CACNA1H: variants seen among roughly 807,000 people sequenced by gnomAD.
CACNA1H encodes calcium voltage-gated channel subunit alpha1 H, also known as voltage-dependent T-type calcium channel subunit alpha-1H.
Under a neutral mutation model 192.5 loss-of-function variants are expected in CACNA1H, and 149 were observed. The ratio of observed to expected loss-of-function variants is 0.77; its 90% CI spans 0.68 to 0.89. The LOEUF (loss-of-function observed/expected upper bound fraction) is 0.89. Ranked by LOEUF, CACNA1H falls within the 40% of genes least tolerant of loss-of-function variation. CACNA1H has a pLI of 0.00. For synonymous variants in CACNA1H, 2,202 were observed against 1,475.2 expected (o/e 1.49, Z -11.29); for missense variants, 4,257 against 3,423.5 (o/e 1.24, Z -6.08).
At chr16:1,160,954 C>T (rs1204879989) in intron 2 of CACNA1H, among the ~76,000 whole-genome samples, 7 of 152,128 alleles carry the variant, frequency 4.6e-5, no homozygotes, top group Non-Finnish European at 1.0e-4. Flanking sequence ...CGGTGCAGCC[C>T]TGGGCTCTTT....
At chr16:1,215,419 G>T (rs1425038432) in intron 29 of CACNA1H, 44 bp downstream of exon 29, 1 of 1,591,540 alleles carries the variant, frequency 6.3e-7, no homozygotes, top group Non-Finnish European at 8.6e-7. Context: ...CGGGTGGAGG[G>T]TGGGGGCTCA....
intron 2 of CACNA1H, among the ~76,000 whole-genome samples, chr16:1,183,717 T>C (rs928068767): frequency 1.3e-5 from 2 of 152,242 alleles, no homozygotes; most frequent in African/African-American, 4.8e-5. Flanking sequence ...TCATCTACCC[T>C]GTGAGGCTGG....
At chr16:1,217,034 C>T (rs1280873505) in intron 31 of CACNA1H, 24 bp downstream of exon 31, 3 of 1,564,566 alleles carry the variant, frequency 1.9e-6, no homozygotes, top group East Asian at 4.7e-5. Flanking sequence ...GCGCCCTCCT[C>T]CTGGCACACA....
chr16:1,176,775 G>A (rs1452946759), intron 2 of CACNA1H, among the ~76,000 whole-genome samples: 1 of 152,192 alleles, frequency 6.6e-6, no homozygotes, highest in African/African-American at 2.4e-5. Context: ...GCTGGGAGGG[G>A]AGCGGGGCCG....
intron 11 of CACNA1H, among the ~76,000 whole-genome samples, chr16:1,205,829 C>T (rs1414032309): frequency 2.6e-5 from 4 of 152,192 alleles, no homozygotes; most frequent in African/African-American, 7.2e-5. Context: ...AGGAGAGCGC[C>T]CTCGGCGAAG....
At chr16:1,155,115 A>G (rs937794906) in intron 2 of CACNA1H, among the ~76,000 whole-genome samples, 1 of 152,252 alleles carries the variant, frequency 6.6e-6, no homozygotes, top group Non-Finnish European at 1.5e-5. Context: ...TTAAACACGA[A>G]AGAGGAATCT....
chr16:1,157,612 C>G (rs1049847443), intron 2 of CACNA1H: 1 of 152,292 alleles, frequency 6.6e-6, no homozygotes, highest in East Asian at 1.9e-4. Flanking sequence ...GCAGGCCTCT[C>G]GTGGGCAGGA....
intron 9 of CACNA1H, among the ~76,000 whole-genome samples, chr16:1,203,124 A>G (rs983283762): frequency 3.3e-5 from 5 of 152,158 alleles, no homozygotes; most frequent in Non-Finnish European, 5.9e-5. Flanking sequence ...GGGTGCCGGG[A>G]TGCTGTGTGC....
intron 26 of CACNA1H, among the ~76,000 whole-genome samples, chr16:1,213,396 C>T (rs1273146135): frequency 6.6e-6 from 1 of 152,122 alleles, no homozygotes; most frequent in Admixed American, 6.5e-5. Context: ...GGGGGCGGGC[C>T]CTGCCAGGCA....
chr16:1,159,872 C>T (rs1170139668), intron 2 of CACNA1H: 3 of 152,344 alleles, frequency 2.0e-5, no homozygotes, highest in African/African-American at 7.2e-5. Context: ...CGGGCACCCT[C>T]CCTGGCCTGG....
chr16:1,184,871 A>G (rs7191344), intron 2 of CACNA1H, among the ~76,000 whole-genome samples: 12,521 of 151,552 alleles, frequency 0.083, 1,358 homozygotes, highest in African/African-American at 0.25. Context: ...GACTGAAGTG[A>G]GGTTCACGTA....
intron 28 of CACNA1H, 58 bp downstream of exon 28, chr16:1,215,139 G>A (rs751550871): frequency 2.7e-5 from 43 of 1,584,028 alleles, no homozygotes; most frequent in African/African-American, 4.0e-5. Context: ...TGGGGGCTGG[G>A]GGCAGGTGAG....
rs369966669 is a variant in CACNA1H at position 1,208,036 on chromosome 16, G to A, written c.3178G>A (p.Val1060Met). ...AGAGCTGAAGATGTGTTCCCTGGCCGTGACCCCCAACGGGCACCTGGAGGG... is the reference window on the plus strand; with the variant it reads ...AGAGCTGAAGATGTGTTCCCTGGCCATGACCCCCAACGGGCACCTGGAGGG... ...TTELKMCSLA[V>M]TPNGHLEGRG... The change falls in exon 16 of 35, where the codon GTG (valine) becomes ATG (methionine). Residue 1060 changes from valine to methionine, a missense_variant. By Grantham distance (21) the Val-to-Met change is conservative. Transcript: ENST00000348261. 95 of 1,606,514 alleles carry A rather than the reference G, an allele frequency of 5.9e-5. No individual in the cohort carries two copies. The Middle Eastern group carries it at 1.0e-3, about 17-fold the overall frequency.
intron 9 of CACNA1H, among the ~76,000 whole-genome samples, chr16:1,203,303 T>C (rs931394930): frequency 3.3e-5 from 5 of 152,210 alleles, no homozygotes; most frequent in African/African-American, 4.8e-5. Flanking sequence ...AGTTTCGTGT[T>C]GGAGTAACCA....
chr16:1,189,428 T>G (rs1164218042), intron 2 of CACNA1H, among the ~76,000 whole-genome samples: 2 of 133,400 alleles, frequency 1.5e-5, no homozygotes, highest in Non-Finnish European at 3.1e-5. Context: ...TTTTTTTTTT[T>G]TTTTTTGATA....
At position 1,221,391 on chromosome 16, in the gene CACNA1H, G is replaced by A. The variant is rs1476996033; in HGVS notation, c.*397G>A. 4.2e-5 allele frequency: 13 copies of A among 306,862 alleles called. 1 individual carries two copies. The highest frequency in any genetic ancestry group is 1.3e-4 in the East Asian group (2 of 15,528). The allele number at this position is 306,862 out of a possible 1,614,324, so 19.0% of individuals were successfully genotyped here. A position where few individuals can be genotyped will look rare whatever the true frequency, so the allele number is the denominator to read the frequency against. On this transcript the variant is annotated 3_prime_UTR_variant, in exon 35 of 35. Coordinates refer to ENST00000348261, the MANE Select transcript of CACNA1H (RefSeq NM_021098.3). ...CTGGGGGCCCTGTGCCCTTGCCGGCGGCAGGTTGCAGCCACCGCGGCCCAA... is the reference window on the plus strand; with the variant it reads ...CTGGGGGCCCTGTGCCCTTGCCGGCAGCAGGTTGCAGCCACCGCGGCCCAA...
chr16:1,214,663 C>T lies in CACNA1H; in HGVS notation c.4930-309C>T, dbSNP rs111729731. On this transcript the variant is annotated intron_variant, in intron 27 of 34. Transcript: ENST00000348261. ...GGACACTGCCATCGGGGTGCACAGA[C>T]GGCTGCAGGGTGTGAAATGGGCTGG... Among the ~76,000 whole-genome samples the T allele has an allele frequency of 2.4e-4, 37 of 152,268 alleles. 1 individual carries two copies. The East Asian group carries it at 5.8e-3, about 24-fold the overall frequency.
chr16:1,210,563 C>G lies in CACNA1H; in HGVS notation c.3970-20C>G. Reference sequence around the variant, plus strand: ...GGAGGGGTGGAGTGGACACAGCCCCCCACCGTCCTCTCCCGGCAGGAGCGG... The same window carrying G: ...GGAGGGGTGGAGTGGACACAGCCCCGCACCGTCCTCTCCCGGCAGGAGCGG... On this transcript the variant is annotated intron_variant, in intron 19 of 34. Transcript: ENST00000348261. 1.2e-6 allele frequency: 2 copies of G among 1,610,010 alleles called. No homozygotes were observed. The highest frequency in any genetic ancestry group is 2.7e-5 in the African/African-American group (2 of 75,042).
intron 2 of CACNA1H, among the ~76,000 whole-genome samples, chr16:1,160,830 G>A (rs1047379161): frequency 2.0e-5 from 3 of 152,258 alleles, no homozygotes; most frequent in East Asian, 1.9e-4. Flanking sequence ...TGTGGCCGCC[G>A]CCTGCGTTTG....
Sources: gnomAD v4.1 joint callset for allele counts (sites outside exome capture counted in the v4.1 genomes callset) on GRCh38, gnomAD v4.1.1 for gene constraint, MANE v1.5 for transcripts, NCBI Gene and HGNC (gene_info 2026-07-23, HGNC 2026-07-21) for gene names.